ZNF708: variants seen among roughly 807,000 people sequenced by gnomAD.
ZNF708 encodes the protein zinc finger protein 708.
A neutral mutation model predicts 47.0 loss-of-function variants in ZNF708; 44 were observed. That is an observed-to-expected ratio of 0.94 (90% CI 0.74 to 1.20). The LOEUF (loss-of-function observed/expected upper bound fraction) is 1.20, where lower values mean the gene tolerates loss of function less well. Among genes scored for constraint, ZNF708 ranks in the 50% most tolerant of loss-of-function variants. The probability of loss-of-function intolerance (pLI) is 0.00; values close to 1 mark genes in which losing one functional copy is unlikely to be tolerated. For synonymous variants in ZNF708, 184 were observed against 218.5 expected, an observed-to-expected ratio of 0.84 and a Z score of 1.39; for missense variants, 557 against 656.0, an observed-to-expected ratio of 0.85 and a Z score of 1.65.
intron 3 of ZNF708, among the ~76,000 whole-genome samples, chr19:21,302,731 T>C (rs1166073626): frequency 6.6e-6 from 1 of 151,912 alleles, no homozygotes; most frequent in Non-Finnish European, 1.5e-5. Flanking sequence ...TATTTTCATA[T>C]TAAAATGTTT....
intron 3 of ZNF708, among the ~76,000 whole-genome samples, chr19:21,300,705 G>A (rs1258909318): frequency 2.0e-5 from 3 of 151,362 alleles, no homozygotes; most frequent in African/African-American, 7.3e-5. Flanking sequence ...CTGTCTCCCA[G>A]GCTGGAGTGC....
At chr19:21,326,244 C>T (rs545408092) in intron 1 of ZNF708, among the ~76,000 whole-genome samples, 11 of 152,256 alleles carry the variant, frequency 7.2e-5, no homozygotes, top group Non-Finnish European at 1.5e-4. Context: ...AGTCATTATT[C>T]GAAAAATATA....
chr19:21,329,241 T>C lies in ZNF708; in HGVS notation c.-29A>G. 6.2e-7 allele frequency: 1 copy of C among 1,610,676 alleles called. No individual in the cohort carries two copies. The highest frequency in any genetic ancestry group is 8.5e-7 in the Non-Finnish European group (1 of 1,177,626). ...TAGGCTTCCAGAGGGTCCTGGAGTCTTAGCTGTGGATCTCCCAATACCTGC... is the reference window on the plus strand; with the variant it reads ...TAGGCTTCCAGAGGGTCCTGGAGTCCTAGCTGTGGATCTCCCAATACCTGC... On this transcript the variant is annotated 5_prime_UTR_variant, in exon 1 of 4. Transcript: ENST00000356929.
intron 1 of ZNF708, among the ~76,000 whole-genome samples, chr19:21,321,708 G>GA (rs1267963436): frequency 4.2e-5 from 5 of 119,528 alleles, no homozygotes; most frequent in Non-Finnish European, 8.3e-5. Context: ...AGAAAGAAAG[G>GA]AAGGAAGGAA....
Position 21,294,504 on chromosome 19 carries a change from A to G in ZNF708, c.462T>C (p.Asn154=). 6.2e-7 allele frequency: 1 copy of G among 1,614,120 alleles called. No individual in the cohort carries two copies. The highest frequency in any genetic ancestry group is 8.5e-7 in the Non-Finnish European group (1 of 1,180,004). The change falls in exon 4 of 4, where the codon AAT becomes AAC. Residue 154 remains asparagine, a synonymous_variant. Transcript: ENST00000356929. The stretch of plus-strand genomic sequence containing the variant: ...TATGTCTTATCTTATGTCTCTTTGC[A>G]TTTGAATATTTATGAAAGACTTTCA... ...KYVKVFHKYS[N]AKRHKIRHTG... is the part of the protein sequence containing the mutation.
intron 3 of ZNF708, among the ~76,000 whole-genome samples, chr19:21,305,998 C>A (rs1408412931): frequency 6.6e-6 from 1 of 152,012 alleles, no homozygotes; most frequent in Non-Finnish European, 1.5e-5. Flanking sequence ...ATATTCTCTT[C>A]AAAAAATATT....
intron 1 of ZNF708, among the ~76,000 whole-genome samples, chr19:21,321,142 AAAAG>A (rs1488844562): frequency 1.1e-5 from 1 of 93,546 alleles, no homozygotes; most frequent in Non-Finnish European, 2.6e-5. Flanking sequence ...CATCTTAAAA[AAAAG>A]AAAAGAAAAG....
At position 21,310,494 on chromosome 19, in the gene ZNF708, T is replaced by C. The variant is rs771423855; in HGVS notation, c.130+7A>G. 7.7e-7 allele frequency: 1 copy of C among 1,303,562 alleles called. No homozygotes were observed. Among genetic ancestry groups the C allele is most frequent in the Non-Finnish European group, 1.0e-6 (1 of 1,002,876 alleles). 80.7% of individuals were successfully genotyped at this position (1,303,562 alleles called of 1,614,324 possible). ...TAAAAATTAAAAAAAAAAAAACTTA[T>C]CCTCACCCAGGAATACCAGGTTTCT... is the stretch of plus-strand genomic sequence containing the variant. On this transcript the variant is annotated splice_region_variant and intron_variant, in intron 2 of 3. Coordinates refer to ENST00000356929, the MANE Select transcript of ZNF708 (RefSeq NM_021269.3).
chr19:21,294,791 A>G (rs1301880568), intron 3 of ZNF708, 52 bp from the exon 4 acceptor site: 5 of 1,488,244 alleles, frequency 3.4e-6, no homozygotes, highest in East Asian at 2.3e-5. Flanking sequence ...TCAGATTAAT[A>G]TTTACAAATC....
intron 1 of ZNF708, among the ~76,000 whole-genome samples, chr19:21,319,076 A>C (rs559539877): frequency 1.3e-5 from 2 of 152,340 alleles, no homozygotes; most frequent in Admixed American, 1.3e-4. Context: ...TTTATATTTC[A>C]GAAGTATAAA....
At position 21,293,955 on chromosome 19, in the gene ZNF708, T is replaced by C; in HGVS notation, c.1011A>G (p.Lys337=). 6.2e-7 allele frequency: 1 copy of C among 1,613,372 alleles called. No individual in the cohort carries two copies. The highest frequency in any genetic ancestry group is 1.1e-5 in the South Asian group (1 of 91,054). Residue 337 remains lysine, a synonymous_variant, in exon 4 of 4, where the codon AAA becomes AAG. Coordinates refer to ENST00000356929, the MANE Select transcript of ZNF708 (RefSeq NM_021269.3). ...KRIHTGEKPY[K]CEECGKAFSV... ...TAAAAGCTTTGCCACATTCTTCACA[T>C]TTGTAGGGTTTCTCACCAGTATGAA...
Position 21,292,987 on chromosome 19 carries a change from A to G in ZNF708, c.*287T>C. The G allele has an allele frequency of 3.4e-6, 1 of 296,986 alleles. No individual in the cohort carries two copies. The highest frequency in any genetic ancestry group is 6.4e-6 in the Non-Finnish European group (1 of 157,122). The allele number at this position is 296,986 out of a possible 1,614,324, so 18.4% of individuals were successfully genotyped here. On this transcript the variant is annotated 3_prime_UTR_variant, in exon 4 of 4. Transcript: ENST00000356929. ...CACCAGTATGATTTATTTTATGTTT[A>G]GAAAAGTTTGAGGTGTTGTCAGAAT...
intron 3 of ZNF708, chr19:21,307,002 ACATAACATAAAACATAACAT>A (rs1374726561): frequency 2.0e-5 from 3 of 148,702 alleles, no homozygotes; most frequent in African/African-American, 7.4e-5. Context: ...ACATAACATA[ACATAACATAAAACATAACAT>A]AACATAACAT....
chr19:21,310,528 C>G lies in ZNF708; in HGVS notation c.103G>C (p.Glu35Gln), dbSNP rs892566542. The change falls in exon 2 of 4, where the codon GAG (glutamate) becomes CAG (glutamine). Residue 35 changes from glutamate to glutamine, a missense_variant. Physicochemically the swap from Glu to Gln is conservative, Grantham distance 29 (BLOSUM62 2). Coordinates refer to ENST00000356929, the MANE Select transcript of ZNF708 (RefSeq NM_021269.3). ...AGGAATACCAGGTTTCTATAATTCT[C>G]TAACATGACATTCCTATATAAATTC... is the stretch of plus-strand genomic sequence containing the variant. ...QQNLYRNVML[E>Q]NYRNLVFLGI... is the part of the protein sequence containing the mutation. The G allele has an allele frequency of 7.6e-6, 11 of 1,454,750 alleles. No homozygotes were observed. Among genetic ancestry groups the G allele is most frequent in the South Asian group, 1.6e-5 (1 of 60,914 alleles). 90.1% of individuals were successfully genotyped at this position (1,454,750 alleles called of 1,614,324 possible). A position where few individuals can be genotyped will look rare whatever the true frequency, so the allele number is the denominator to read the frequency against.
chr19:21,295,569 A>C (rs559299355), intron 3 of ZNF708, among the ~76,000 whole-genome samples: 25 of 152,286 alleles, frequency 1.6e-4, no homozygotes, highest in Admixed American at 1.2e-3. Context: ...AACATGGAGA[A>C]ACCCCATCTC....
intron 1 of ZNF708, among the ~76,000 whole-genome samples, chr19:21,312,087 A>T (rs1972909842): frequency 6.6e-6 from 1 of 152,028 alleles, no homozygotes; most frequent in Admixed American, 6.6e-5. Context: ...CTGAGGTCAG[A>T]AGTTCGAAAC....
intron 1 of ZNF708, among the ~76,000 whole-genome samples, chr19:21,312,599 A>G (rs1296880875): frequency 6.6e-6 from 1 of 152,234 alleles, no homozygotes; most frequent in Non-Finnish European, 1.5e-5. Context: ...CCACTTAGCC[A>G]AGCATTGCCT....
chr19:21,296,950 T>A lies in ZNF708; in HGVS notation c.227-2211A>T, dbSNP rs530408055. 2.0e-5 allele frequency among the ~76,000 whole-genome samples: 3 copies of A among 151,718 alleles called. No homozygotes were observed. In the South Asian group the frequency reaches 6.3e-4, roughly 32 times the overall value. ...GAGTTCAGGACCAGCCTGGCCAACA[T>A]GGTGAAACCCCATCTCAACTAAATA... is the stretch of plus-strand genomic sequence containing the variant. On this transcript the variant is annotated intron_variant, in intron 3 of 3. Transcript: ENST00000356929.
At position 21,294,130 on chromosome 19, in the gene ZNF708, G is replaced by A. The variant is rs374425024; in HGVS notation, c.836C>T (p.Pro279Leu). The stretch of plus-strand genomic sequence containing the variant: ...TTTGCCACATTCTTCACATTTGTAG[G>A]GTTTCTCTCCAGTATGAACTATCTT... ...KHKIVHTGEK[P>L]YKCEECGKAF... Residue 279 changes from proline to leucine, a missense_variant, in exon 4 of 4, where the codon CCC becomes CTC. By Grantham distance (98) the Pro-to-Leu change is moderately conservative (BLOSUM62 -3). Transcript: ENST00000356929. 3.3e-5 allele frequency: 54 copies of A among 1,612,584 alleles called. No individual in the cohort carries two copies. The African/African-American group carries it at 5.7e-4, about 17-fold the overall frequency.
Sources: gnomAD v4.1 joint callset for allele counts (sites outside exome capture counted in the v4.1 genomes callset) on GRCh38, gnomAD v4.1.1 for gene constraint, MANE v1.5 for transcripts, NCBI Gene and HGNC (gene_info 2026-07-23, HGNC 2026-07-21) for gene names.